LCLAT1: variants seen among roughly 807,000 people sequenced by gnomAD.
LCLAT1 encodes 1-AGP acyltransferase 8.
A neutral mutation model predicts 30.7 loss-of-function variants in LCLAT1; 11 were observed. The observed-to-expected ratio is 0.36, with a 90% CI of 0.23 to 0.59. LCLAT1 has a LOEUF of 0.59. Among genes scored for constraint, LCLAT1 ranks in the 20% least tolerant of loss-of-function variants. The pLI, the probability that LCLAT1 is intolerant of heterozygous loss-of-function variation, is 0.77. For missense variants in LCLAT1, 402 were observed against 458.6 expected (o/e 0.88, Z 1.13); for synonymous variants, 155 against 151.3 (o/e 1.02, Z -0.18).
chr2:30,521,649 G>A (rs1685482819), intron 1 of LCLAT1, among the ~76,000 whole-genome samples: 1 of 151,664 alleles, frequency 6.6e-6, no homozygotes, highest in Non-Finnish European at 1.5e-5. Flanking sequence ...TGGGATTACA[G>A]GCACGCGCCA....
rs921805514 is a variant in LCLAT1, at chr2:30,567,341, C to T, written c.512-719C>T. 4.6e-5 allele frequency among the ~76,000 whole-genome samples: 7 copies of T among 151,796 alleles called. No individual in the cohort carries two copies. In the East Asian group the frequency reaches 5.8e-4, roughly 13 times the overall value. On this transcript the variant is annotated intron_variant, in intron 4 of 5. Transcript: ENST00000379509. ...TTTTTTTAATTTCAGTAAGTATAACCGAGCATCTCAGCTTTGAAATGCATT... is the reference window on the plus strand; with the variant it reads ...TTTTTTTAATTTCAGTAAGTATAACTGAGCATCTCAGCTTTGAAATGCATT...
At chr2:30,609,004 CA>C (rs1333388771) in intron 5 of LCLAT1, among the ~76,000 whole-genome samples, 5 of 151,994 alleles carry the variant, frequency 3.3e-5, no homozygotes, top group Non-Finnish European at 7.4e-5. Flanking sequence ...CTTTGCCAGT[CA>C]AATAGGTATA....
chr2:30,611,070 C>T (rs868407206), intron 5 of LCLAT1, among the ~76,000 whole-genome samples: 28 of 147,626 alleles, frequency 1.9e-4, no homozygotes, highest in African/African-American at 6.9e-4. Context: ...CACCACTGCT[C>T]TTCTACTTTT....
chr2:30,579,709 G>C (rs1181762083), intron 5 of LCLAT1, among the ~76,000 whole-genome samples: 2 of 152,080 alleles, frequency 1.3e-5, no homozygotes, highest in African/African-American at 4.8e-5. Context: ...AGTTAGAGAA[G>C]TAGTCTTAGT....
At chr2:30,613,179 A>G (rs1667823127) in intron 5 of LCLAT1, among the ~76,000 whole-genome samples, 1 of 152,152 alleles carries the variant, frequency 6.6e-6, no homozygotes, top group Admixed American at 6.6e-5. Flanking sequence ...ATGAGGGCAG[A>G]AAGGTAAATG....
intron 5 of LCLAT1, among the ~76,000 whole-genome samples, chr2:30,600,951 A>C (rs754634616): frequency 6.6e-6 from 1 of 151,500 alleles, no homozygotes; most frequent in Non-Finnish European, 1.5e-5. Flanking sequence ...TTTTTATATA[A>C]TCCCATAGTT....
At chr2:30,467,740 T>C (rs1682521967) in intron 1 of LCLAT1, among the ~76,000 whole-genome samples, 1 of 152,256 alleles carries the variant, frequency 6.6e-6, no homozygotes, top group African/African-American at 2.4e-5. Context: ...TGTCTTCTTT[T>C]GAGAAGTGTC....
At chr2:30,466,226 CT>C (rs1346045546) in intron 1 of LCLAT1, among the ~76,000 whole-genome samples, 2 of 136,826 alleles carry the variant, frequency 1.5e-5, no homozygotes, top group Admixed American at 7.7e-5. Flanking sequence ...TCTGTGTTTT[CT>C]TTTTTTCTTT....
At chr2:30,576,501 A>G (rs1665998821) in intron 5 of LCLAT1, among the ~76,000 whole-genome samples, 1 of 152,088 alleles carries the variant, frequency 6.6e-6, no homozygotes, top group African/African-American at 2.4e-5. Flanking sequence ...AGTATGCAAA[A>G]TGTATGTAAC....
At chr2:30,503,606 T>C (rs1684501565) in intron 1 of LCLAT1, among the ~76,000 whole-genome samples, 1 of 152,244 alleles carries the variant, frequency 6.6e-6, no homozygotes, top group African/African-American at 2.4e-5. Context: ...AAGGAAACTT[T>C]GTGTAGTAAC....
At chr2:30,481,245 G>A (rs898416844) in intron 1 of LCLAT1, among the ~76,000 whole-genome samples, 21 of 152,168 alleles carry the variant, frequency 1.4e-4, no homozygotes, top group African/African-American at 5.1e-4. Context: ...TTTTAAACTG[G>A]GAAATTATGT....
chr2:30,579,206 G>A (rs1195192923), intron 5 of LCLAT1, among the ~76,000 whole-genome samples: 1 of 152,100 alleles, frequency 6.6e-6, no homozygotes, highest in African/African-American at 2.4e-5. Context: ...AGACTTGACA[G>A]GAAATACTGT....
chr2:30,580,329 A>T (rs576896167), intron 5 of LCLAT1, among the ~76,000 whole-genome samples: 1 of 152,318 alleles, frequency 6.6e-6, no homozygotes, highest in Non-Finnish European at 1.5e-5. Context: ...TGAAATGGAT[A>T]TATGCTGTCT....
At chr2:30,553,927 G>A (rs926392605) in intron 3 of LCLAT1, among the ~76,000 whole-genome samples, 1 of 152,012 alleles carries the variant, frequency 6.6e-6, no homozygotes, top group Non-Finnish European at 1.5e-5. Flanking sequence ...TGTTTTTTGA[G>A]GATCTTAACA....
At chr2:30,543,368 G>A (rs943025355) in intron 3 of LCLAT1, among the ~76,000 whole-genome samples, 1 of 151,964 alleles carries the variant, frequency 6.6e-6, no homozygotes, top group African/African-American at 2.4e-5. Context: ...AGCTTTAAAG[G>A]GTTTTTGTAT....
chr2:30,536,109 A>G (rs1461020846), intron 3 of LCLAT1, among the ~76,000 whole-genome samples: 2 of 152,218 alleles, frequency 1.3e-5, no homozygotes, highest in African/African-American at 4.8e-5. Context: ...ACCCAGCTAG[A>G]TCAAAAGAAA....
chr2:30,630,903 C>A (rs1250391783), intron 5 of LCLAT1, among the ~76,000 whole-genome samples: 1 of 152,102 alleles, frequency 6.6e-6, no homozygotes, highest in African/African-American at 2.4e-5. Flanking sequence ...GTTAGGGTAA[C>A]AGTAGATGGT....
At chr2:30,614,176 T>G (rs1450011715) in intron 5 of LCLAT1, among the ~76,000 whole-genome samples, 1 of 68,908 alleles carries the variant, frequency 1.5e-5, no homozygotes, top group African/African-American at 6.0e-5. Context: ...TACTTGAGAT[T>G]AGGGAGTGGT....
At chr2:30,565,735 AAT>A (rs1268216737) in intron 4 of LCLAT1, among the ~76,000 whole-genome samples, 1 of 152,212 alleles carries the variant, frequency 6.6e-6, no homozygotes, top group Non-Finnish European at 1.5e-5. Flanking sequence ...AGTTAATAAA[AAT>A]ATGTCAGTCA....
Sources: allele counts gnomAD v4.1 joint callset (sites outside exome capture counted in the v4.1 genomes callset), GRCh38; gene constraint gnomAD v4.1.1; transcripts MANE v1.5; gene names NCBI Gene and HGNC (gene_info 2026-07-23, HGNC 2026-07-21).